Variants in SNTA1 observed in about 807,000 individuals in gnomAD.
SNTA1 encodes syntrophin alpha 1.
SNTA1 carries 31 observed loss-of-function variants against 47.1 expected under a neutral mutation model. The observed-to-expected ratio is 0.66, with a 90% CI of 0.49 to 0.89. The LOEUF (loss-of-function observed/expected upper bound fraction) is 0.89, where lower values mean the gene tolerates loss of function less well. SNTA1 is among the 40% of genes least tolerant of loss of function. SNTA1 has a pLI of 0.00. For missense variants in SNTA1, 575 were observed against 693.0 expected (o/e 0.83, Z 1.91); for synonymous variants, 300 against 313.6 (o/e 0.96, Z 0.46).
rs775580363 is a variant in SNTA1, at chr20:33,417,906, C to T, written c.514G>A (p.Val172Ile). 5.0e-6 allele frequency: 8 copies of T among 1,613,330 alleles called. No individual in the cohort carries two copies. Among genetic ancestry groups the T allele is most frequent in the East Asian group, 2.2e-5 (1 of 44,880 alleles). ...GTAGAGTTCTTGAAATACGGTGAGA[C>T]GTCCTTCATATACTTGACTGATTGG... ...VVLEVKYMKD[V>I]SPYFKNSTGG... Residue 172 changes from valine to isoleucine, a missense_variant, in exon 3 of 8, where the codon GTC (valine) becomes ATC (isoleucine). Val to Ile is a conservative substitution (Grantham distance 29, BLOSUM62 3). Coordinates refer to ENST00000217381, the MANE Select transcript of SNTA1 (RefSeq NM_003098.3).
At position 33,408,531 on chromosome 20, in the gene SNTA1, G is replaced by T; in HGVS notation, c.1494C>A (p.Val498=). The T allele has an allele frequency of 6.2e-7, 1 of 1,614,082 alleles. No homozygotes were observed. The highest frequency in any genetic ancestry group is 1.1e-5 in the South Asian group (1 of 91,068). The change falls in exon 8 of 8, where the codon GTC becomes GTA. Residue 498 remains valine (V), a synonymous_variant. Coordinates refer to ENST00000217381, the MANE Select transcript of SNTA1 (RefSeq NM_003098.3). The stretch of plus-strand genomic sequence containing the variant: ...TCTAGGCCAACAGCCCGAGGCGGGT[G>T]ACTTTGGCCGACAGGAAGGAGTGGA... ...FIIHSFLSAK[V]TRLGLLA
chr20:33,434,982 CTTTTTTTTTTTT>C lies in SNTA1; in HGVS notation c.496+3847_496+3858del, dbSNP rs11475592. Among the ~76,000 whole-genome samples, 85 of 55,222 alleles carry C rather than the reference CTTTTTTTTTTTT, an allele frequency of 1.5e-3. 1 individual carries two copies. The highest frequency in any genetic ancestry group is 5.6e-3 in the African/African-American group (80 of 14,248). 36.2% of individuals were successfully genotyped at this position (55,222 alleles called of 152,430 possible). A position where few individuals can be genotyped will look rare whatever the true frequency, so the allele number is the denominator to read the frequency against. ...GAGCAGACAGGATTTCAGGCACCAG[CTTTTTTTTTTTT>C]TTTTTTTTTTTTTTTGAGATGGATT... On this transcript the variant is annotated intron_variant, in intron 2 of 7. Coordinates refer to ENST00000217381, the MANE Select transcript of SNTA1 (RefSeq NM_003098.3).
intron 2 of SNTA1, among the ~76,000 whole-genome samples, chr20:33,420,070 C>T (rs1038222292): frequency 1.3e-5 from 2 of 152,018 alleles, no homozygotes; most frequent in African/African-American, 4.8e-5. Flanking sequence ...ATTACAGGTG[C>T]GTACCACCAC....
intron 6 of SNTA1, among the ~76,000 whole-genome samples, 183 bp downstream of exon 6, chr20:33,409,952 G>GA (rs1371307615): frequency 6.6e-6 from 1 of 152,164 alleles, no homozygotes; most frequent in African/African-American, 2.4e-5. Flanking sequence ...TATTAGTAGA[G>GA]ACAGGGTTTT....
At position 33,408,519 on chromosome 20, in the gene SNTA1, C is replaced by A. The variant is rs1432343420; in HGVS notation, c.1506G>T (p.Gly502=). 3.7e-6 allele frequency: 6 copies of A among 1,613,866 alleles called. No homozygotes were observed. Among genetic ancestry groups the A allele is most frequent in the Non-Finnish European group, 5.1e-6 (6 of 1,179,726 alleles). ...SFLSAKVTRL[G]LLA ...CATCCGGCGACTTCTAGGCCAACAG[C>A]CCGAGGCGGGTGACTTTGGCCGACA... Residue 502 remains glycine, a synonymous_variant, in exon 8 of 8, where the codon GGG becomes GGT. Coordinates refer to ENST00000217381, the MANE Select transcript of SNTA1 (RefSeq NM_003098.3).
chr20:33,417,846 CAGG>C lies in SNTA1; in HGVS notation c.571_573del (p.Pro191del). 1 of 1,614,040 alleles carries C rather than the reference CAGG, an allele frequency of 6.2e-7. No homozygotes were observed. Among genetic ancestry groups the C allele is most frequent in the African/African-American group, 1.3e-5 (1 of 75,026 alleles). Reference sequence around the variant, plus strand: ...GAAGGCTGCCGCTGAAGGGGTGAGGCAGGAGGTGAGTCCCAGCCGACCGAGGTC... The same window carrying C: ...GAAGGCTGCCGCTGAAGGGGTGAGGCAGGTGAGTCCCAGCCGACCGAGGTC... On this transcript the variant is annotated inframe_deletion, in exon 3 of 8. Coordinates refer to ENST00000217381, the MANE Select transcript of SNTA1 (RefSeq NM_003098.3).
Position 33,412,612 on chromosome 20 carries a change from C to T in SNTA1, c.872G>A (p.Ser291Asn). ...CCAGCCAATCTGCTTGATGTCCTGG[C>T]TCCCAGCTGTGCTGGTGGCTGCCAA... is the stretch of plus-strand genomic sequence containing the variant. Reference protein sequence around the residue: ...ALLAATSTAGSQDIKQIGWLT... With the variant: ...ALLAATSTAGNQDIKQIGWLT... The change falls in exon 4 of 8, where the codon AGC becomes AAC. Residue 291 changes from serine (S) to asparagine (N), a missense_variant. Coordinates refer to ENST00000217381, the MANE Select transcript of SNTA1 (RefSeq NM_003098.3). 6.2e-7 allele frequency: 1 copy of T among 1,613,902 alleles called. No individual in the cohort carries two copies. The highest frequency in any genetic ancestry group is 8.5e-7 in the Non-Finnish European group (1 of 1,180,014).
intron 5 of SNTA1, among the ~76,000 whole-genome samples, chr20:33,410,725 C>T (rs1031191308): frequency 1.3e-5 from 2 of 152,218 alleles, no homozygotes; most frequent in African/African-American, 2.4e-5. Context: ...TTGTCACTCA[C>T]TAGCCTTACT....
intron 2 of SNTA1, among the ~76,000 whole-genome samples, chr20:33,421,224 G>C (rs1600847778): frequency 6.6e-6 from 1 of 151,836 alleles, no homozygotes; most frequent in South Asian, 2.1e-4. Context: ...GGAGTCAGAT[G>C]CTCTTGGATT....
rs111331022 is a variant in SNTA1 at position 33,438,299 on chromosome 20, CA to C, written c.496+541del. Among the ~76,000 whole-genome samples the C allele has an allele frequency of 6.1e-5, 9 of 147,838 alleles. No individual in the cohort carries two copies. In the East Asian group the frequency reaches 7.9e-4, roughly 13 times the overall value. ...TGGACAACAGAGCAAGATTCCATCT[CA>C]AAAAAAAAATAAAGTAAAATAAAAG... is the stretch of plus-strand genomic sequence containing the variant. On this transcript the variant is annotated intron_variant, in intron 2 of 7. Coordinates refer to ENST00000217381, the MANE Select transcript of SNTA1 (RefSeq NM_003098.3).
chr20:33,415,780 A>T (rs1229817706), intron 3 of SNTA1, among the ~76,000 whole-genome samples: 1 of 149,190 alleles, frequency 6.7e-6, no homozygotes, highest in African/African-American at 2.5e-5. Context: ...GGCAACAGAG[A>T]AGACTCTGTC....
chr20:33,419,025 A>C (rs927413047), intron 2 of SNTA1, among the ~76,000 whole-genome samples: 1 of 151,904 alleles, frequency 6.6e-6, no homozygotes, highest in Admixed American at 6.6e-5. Flanking sequence ...GAGGCATGAG[A>C]ATCACTTGAA....
intron 1 of SNTA1, among the ~76,000 whole-genome samples, chr20:33,441,561 C>G (rs942159244): frequency 1.3e-5 from 2 of 152,126 alleles, no homozygotes; most frequent in Non-Finnish European, 2.9e-5. Context: ...TGCCCTCCCC[C>G]ACCTGAAACT....
chr20:33,410,156 C>G lies in SNTA1; in HGVS notation c.1216G>C (p.Gly406Arg). The G allele has an allele frequency of 6.2e-7, 1 of 1,614,228 alleles. No homozygotes were observed. The part of the protein sequence containing the change: ...LVDGCHRAAE[G>R]VQEVSTACTW... ...ACACCTGTAGACACCTCCTGCACAC[C>G]CTCGGCGGCCCGGTGACAGCCATCC... Residue 406 changes from glycine (G) to arginine (R), a missense_variant, in exon 6 of 8, where the codon GGT (glycine) becomes CGT (arginine). By Grantham distance (125) the Gly-to-Arg change is moderately radical (BLOSUM62 -2). Transcript: ENST00000217381.
In SNTA1 at chr20:33,410,350, G is replaced by A. The variant is rs764806604; in HGVS notation, c.1041-19C>T. On this transcript the variant is annotated intron_variant, in intron 5 of 7. Coordinates refer to ENST00000217381, the MANE Select transcript of SNTA1 (RefSeq NM_003098.3). ...CACCAGTCTGGGGGTTGGGGGCAGAGGGCTGAGCATGAGGCCTCAGGCCGG... is the reference window on the plus strand; with the variant it reads ...CACCAGTCTGGGGGTTGGGGGCAGAAGGCTGAGCATGAGGCCTCAGGCCGG... 1 of 1,553,976 alleles carries A rather than the reference G, an allele frequency of 6.4e-7. No individual in the cohort carries two copies. The highest frequency in any genetic ancestry group is 8.8e-7 in the Non-Finnish European group (1 of 1,136,068).
chr20:33,443,290 C>G (rs1422679655), intron 1 of SNTA1, 21 bp downstream of exon 1: 1 of 1,499,622 alleles, frequency 6.7e-7, no homozygotes, highest in Non-Finnish European at 8.9e-7. Context: ...CGACCCCGCG[C>G]CCTCGGTGTC....
intron 2 of SNTA1, among the ~76,000 whole-genome samples, chr20:33,438,177 G>C (rs1990487936): frequency 6.6e-6 from 1 of 152,176 alleles, no homozygotes. Flanking sequence ...ACGCACACCT[G>C]TAATCCCAGC....
In SNTA1 at chr20:33,425,239, C is replaced by T. The variant is rs114283975; in HGVS notation, c.497-7316G>A. 7.1e-3 allele frequency among the ~76,000 whole-genome samples: 1,077 copies of T among 151,984 alleles called. 12 individuals carry two copies. Among genetic ancestry groups the T allele is most frequent in the African/African-American group, 0.025 (1,024 of 41,448 alleles). ...CTGCTATGATCATGCAACTACACTC[C>T]GGCCTGGGTGACAGAACAAGACCCT... On this transcript the variant is annotated intron_variant, in intron 2 of 7. Transcript: ENST00000217381.
chr20:33,439,067 T>C, intron 1 of SNTA1, 41 bp from the exon 2 acceptor site: 1 of 1,557,446 alleles, frequency 6.4e-7, no homozygotes, highest in East Asian at 2.2e-5. Flanking sequence ...AGGCAGATAC[T>C]CCAACACTTG....
Sources: gnomAD v4.1 joint callset for allele counts (sites outside exome capture counted in the v4.1 genomes callset) on GRCh38, gnomAD v4.1.1 for gene constraint, MANE v1.5 for transcripts, NCBI Gene and HGNC (gene_info 2026-07-23, HGNC 2026-07-21) for gene names.